LHFPL3: variants seen among roughly 807,000 people sequenced by gnomAD.
LHFPL3 encodes the protein LHFPL tetraspan subfamily member 3.
LHFPL3 carries 5 observed loss-of-function variants against 19.3 expected under a neutral mutation model. The ratio of observed to expected loss-of-function variants is 0.26; its 90% confidence interval spans 0.14 to 0.54. The LOEUF is 0.54. Ranked by LOEUF, LHFPL3 falls within the 20% of genes least tolerant of loss-of-function variation. LHFPL3 has a pLI of 0.94. For synonymous variants in LHFPL3, 133 were observed against 126.2 expected, an observed-to-expected ratio of 1.05 and a Z score of -0.36; for missense variants, 249 against 307.4, an observed-to-expected ratio of 0.81 and a Z score of 1.42.
chr7:104,709,848 C>T (rs112772668), intron 1 of LHFPL3, among the ~76,000 whole-genome samples: 11 of 120,274 alleles, frequency 9.1e-5, no homozygotes, highest in Non-Finnish European at 1.4e-4. Context: ...ACTGGGCGGC[C>T]GGGCAGAGGG....
intron 1 of LHFPL3, among the ~76,000 whole-genome samples, chr7:104,477,748 A>G (rs1340253371): frequency 4.6e-5 from 1 of 21,724 alleles, no homozygotes. Flanking sequence ...TGAACTTAAA[A>G]TAAGTTAAAA....
At chr7:104,380,426 A>G (rs1345725810) in intron 1 of LHFPL3, among the ~76,000 whole-genome samples, 3 of 152,204 alleles carry the variant, frequency 2.0e-5, no homozygotes, top group African/African-American at 7.2e-5. Context: ...ACTAAGCAGT[A>G]TTCATAGGTA....
chr7:104,826,861 G>C lies in LHFPL3; in HGVS notation c.683-79326G>C, dbSNP rs1337412840. 1.3e-5 allele frequency: 2 copies of C among 151,846 alleles called. 1 individual carries two copies. The highest frequency in any genetic ancestry group is 4.9e-5 in the African/African-American group (2 of 41,010). The allele number at this position is 151,846 out of a possible 1,614,324, so 9.4% of individuals were successfully genotyped here. ...TGCACCCCACTCCTTTTTTACCTTGGCTCTGACATAAAAAAAAAAGAAGGT... is the reference window on the plus strand; with the variant it reads ...TGCACCCCACTCCTTTTTTACCTTGCCTCTGACATAAAAAAAAAAGAAGGT... On this transcript the variant is annotated intron_variant, in intron 2 of 2. Transcript: ENST00000424859.
At chr7:104,768,512 G>C (rs1010743370) in intron 2 of LHFPL3, among the ~76,000 whole-genome samples, 6 of 152,108 alleles carry the variant, frequency 3.9e-5, no homozygotes, top group Non-Finnish European at 7.4e-5. Flanking sequence ...GACAATGCAG[G>C]GAATTTCTAA....
At chr7:104,876,847 T>A (rs1348481591) in intron 2 of LHFPL3, among the ~76,000 whole-genome samples, 3 of 152,216 alleles carry the variant, frequency 2.0e-5, no homozygotes, top group African/African-American at 7.2e-5. Context: ...TGTGGCACTA[T>A]TCACAAAAGC....
intron 1 of LHFPL3, among the ~76,000 whole-genome samples, chr7:104,595,633 C>A (rs1790835024): frequency 6.6e-6 from 1 of 152,264 alleles, no homozygotes; most frequent in East Asian, 1.9e-4. Flanking sequence ...CAGAAGTTGT[C>A]TGCTGCCTTT....
intron 1 of LHFPL3, among the ~76,000 whole-genome samples, chr7:104,481,508 G>A (rs532057339): frequency 6.6e-6 from 1 of 152,140 alleles, no homozygotes; most frequent in East Asian, 1.9e-4. Flanking sequence ...GACACTGCTT[G>A]CCTCTGGGCC....
chr7:104,888,528 A>C (rs945651523), intron 2 of LHFPL3, among the ~76,000 whole-genome samples: 3 of 152,158 alleles, frequency 2.0e-5, no homozygotes, highest in African/African-American at 7.2e-5. Flanking sequence ...CCTGTCTTTT[A>C]AAAAGAGATA....
chr7:104,584,514 GAGA>G (rs940026977), intron 1 of LHFPL3, among the ~76,000 whole-genome samples: 6 of 151,914 alleles, frequency 3.9e-5, no homozygotes, highest in African/African-American at 1.5e-4. Flanking sequence ...ATCTTTATTA[GAGA>G]AGTTTTGCCA....
intron 2 of LHFPL3, among the ~76,000 whole-genome samples, chr7:104,789,610 C>G (rs1385249888): frequency 6.6e-6 from 1 of 152,056 alleles, no homozygotes; most frequent in East Asian, 1.9e-4. Flanking sequence ...GACTCCCACA[C>G]CCCCTCCCCC....
At chr7:104,405,527 C>A (rs1467670554) in intron 1 of LHFPL3, among the ~76,000 whole-genome samples, 2 of 152,256 alleles carry the variant, frequency 1.3e-5, no homozygotes, top group East Asian at 3.9e-4. Context: ...TTTCTCTTTT[C>A]ATCCTATCAA....
At chr7:104,351,759 C>T in intron 1 of LHFPL3, among the ~76,000 whole-genome samples, 1 of 152,136 alleles carries the variant, frequency 6.6e-6, no homozygotes, top group East Asian at 1.9e-4. Context: ...TAAATTCAAC[C>T]TCTCATATGC....
chr7:104,759,763 T>C (rs894478622), intron 2 of LHFPL3: 2 of 152,176 alleles, frequency 1.3e-5, no homozygotes, highest in African/African-American at 4.8e-5. Context: ...GCACCAAGGT[T>C]TTCTGGGCAC....
intron 1 of LHFPL3, among the ~76,000 whole-genome samples, chr7:104,592,079 A>G (rs1429511013): frequency 2.0e-5 from 3 of 152,080 alleles, no homozygotes; most frequent in Non-Finnish European, 4.4e-5. Flanking sequence ...TTTAGCTCAG[A>G]GAAGTTTGTT....
chr7:104,366,756 C>T (rs1790502501), intron 1 of LHFPL3, among the ~76,000 whole-genome samples: 1 of 152,138 alleles, frequency 6.6e-6, no homozygotes, highest in African/African-American at 2.4e-5. Context: ...GCTTTGACTA[C>T]ATTCTTGATA....
At chr7:104,606,661 CTGAAACCTCAGCA>C (rs1249642969) in intron 1 of LHFPL3, among the ~76,000 whole-genome samples, 6 of 152,198 alleles carry the variant, frequency 3.9e-5, no homozygotes, top group Non-Finnish European at 1.5e-5. Context: ...AATCAATCCA[CTGAAACCTCAGCA>C]TTGCGATGGA....
chr7:104,467,985 C>T (rs1792825842), intron 1 of LHFPL3, among the ~76,000 whole-genome samples: 1 of 152,204 alleles, frequency 6.6e-6, no homozygotes, highest in Non-Finnish European at 1.5e-5. Context: ...CTGGCTCTAA[C>T]TCAGGAAAGA....
intron 1 of LHFPL3, among the ~76,000 whole-genome samples, chr7:104,476,464 T>A (rs1007757689): frequency 8.8e-5 from 13 of 146,902 alleles, no homozygotes; most frequent in African/African-American, 3.3e-4. Context: ...TTTTTTTTTT[T>A]ATTTTTATTT....
chr7:104,867,199 T>G (rs980668362), intron 2 of LHFPL3, among the ~76,000 whole-genome samples: 3 of 152,078 alleles, frequency 2.0e-5, no homozygotes, highest in Admixed American at 2.0e-4. Flanking sequence ...ATTCAAAAGC[T>G]AGCAGAAGGC....
Sources: gnomAD v4.1 joint callset for allele counts (sites outside exome capture counted in the v4.1 genomes callset) on GRCh38, gnomAD v4.1.1 for gene constraint, MANE v1.5 for transcripts, NCBI Gene and HGNC (gene_info 2026-07-23, HGNC 2026-07-21) for gene names.